LTBP1: variants seen among roughly 807,000 people sequenced by gnomAD.
LTBP1 encodes the protein latent-transforming growth factor beta-binding protein 1.
LTBP1 carries 129 observed loss-of-function variants against 207.6 expected under a neutral mutation model. That is an observed-to-expected ratio of 0.62 (90% CI 0.54 to 0.72). The LOEUF is 0.72. Among genes scored for constraint, LTBP1 ranks in the 30% least tolerant of loss-of-function variants. The pLI is 0.00. For missense variants in LTBP1, 2,281 were observed against 2,217.2 expected (o/e 1.03, Z -0.58); for synonymous variants, 963 against 833.7 (o/e 1.16, Z -2.67).
At chr2:33,153,182 T>A (rs920748743) in intron 5 of LTBP1, among the ~76,000 whole-genome samples, 3 of 152,250 alleles carry the variant, frequency 2.0e-5, no homozygotes, top group Non-Finnish European at 4.4e-5. Flanking sequence ...TTTTCCACTT[T>A]GAATCAAAGG....
chr2:32,981,950 C>T (rs551279478), intron 2 of LTBP1, among the ~76,000 whole-genome samples: 7 of 152,202 alleles, frequency 4.6e-5, no homozygotes, highest in Non-Finnish European at 1.0e-4. Context: ...TGAAAATGGA[C>T]TAATACAGTA....
At chr2:33,258,207 T>C (rs2092914585) in intron 12 of LTBP1, among the ~76,000 whole-genome samples, 1 of 152,250 alleles carries the variant, frequency 6.6e-6, no homozygotes, top group African/African-American at 2.4e-5. Context: ...TATCTCTTGA[T>C]ATAAACCCAG....
chr2:33,204,522 G>A (rs1198434838), intron 7 of LTBP1, among the ~76,000 whole-genome samples: 1 of 152,148 alleles, frequency 6.6e-6, no homozygotes, highest in African/African-American at 2.4e-5. Flanking sequence ...CTCTAACGGA[G>A]TTGTTAAAGA....
chr2:33,343,031 C>G (rs2094649618), intron 25 of LTBP1, 68 bp downstream of exon 25: 11 of 1,524,790 alleles, frequency 7.2e-6, no homozygotes, highest in Non-Finnish European at 9.8e-6. Flanking sequence ...CAGTGAACAA[C>G]AGGAGCTTTT....
At chr2:33,198,227 C>T (rs539017554) in intron 7 of LTBP1, among the ~76,000 whole-genome samples, 12 of 152,276 alleles carry the variant, frequency 7.9e-5, no homozygotes, top group African/African-American at 2.9e-4. Flanking sequence ...TTGAACCAGC[C>T]TTGCATCCCA....
At chr2:33,323,285 A>G (rs6737863) in intron 24 of LTBP1, among the ~76,000 whole-genome samples, 103,888 of 152,052 alleles carry the variant, frequency 0.68, 37,221 homozygotes, top group Non-Finnish European at 0.79. Context: ...CAGAATGGTT[A>G]TATGGGAACT....
intron 19 of LTBP1, among the ~76,000 whole-genome samples, chr2:33,289,356 T>C (rs2093729316): frequency 6.6e-6 from 1 of 152,204 alleles, no homozygotes; most frequent in South Asian, 2.1e-4. Context: ...AGAATCCATT[T>C]TTCTTTTCTT....
chr2:33,208,680 C>T (rs1023804566), intron 7 of LTBP1, among the ~76,000 whole-genome samples: 1 of 152,082 alleles, frequency 6.6e-6, no homozygotes, highest in African/African-American at 2.4e-5. Flanking sequence ...CTCAGCCCTG[C>T]CCTGGAGCTT....
intron 3 of LTBP1, among the ~76,000 whole-genome samples, chr2:33,045,365 T>C (rs955241702): frequency 2.0e-5 from 3 of 152,352 alleles, no homozygotes; most frequent in African/African-American, 7.2e-5. Flanking sequence ...ATTTATTAAA[T>C]AGGGAATCCT....
At chr2:32,960,416 AATG>A (rs1678906990) in intron 2 of LTBP1, among the ~76,000 whole-genome samples, 6 of 152,114 alleles carry the variant, frequency 3.9e-5, no homozygotes, top group Admixed American at 1.3e-4. Context: ...TGAATGAATG[AATG>A]AATGAATGAA....
chr2:33,073,299 TA>T (rs1488031329), intron 3 of LTBP1, among the ~76,000 whole-genome samples: 1 of 152,088 alleles, frequency 6.6e-6, no homozygotes, highest in Admixed American at 6.5e-5. Context: ...TTTGTTTTTT[TA>T]TTTTACCATG....
At chr2:33,069,941 G>A (rs2077703759) in intron 3 of LTBP1, among the ~76,000 whole-genome samples, 1 of 152,158 alleles carries the variant, frequency 6.6e-6, no homozygotes, top group Admixed American at 6.5e-5. Flanking sequence ...TGAAAAGTGA[G>A]CATAGCATGT....
At chr2:33,389,333 A>G in intron 32 of LTBP1, 27 bp downstream of exon 32, 1 of 1,613,056 alleles carries the variant, frequency 6.2e-7, no homozygotes, top group Non-Finnish European at 8.5e-7. Flanking sequence ...TGTTCCTTTG[A>G]TACTAAGTTG....
At chr2:33,253,131 T>TA (rs1170620956) in intron 11 of LTBP1, among the ~76,000 whole-genome samples, 2 of 152,320 alleles carry the variant, frequency 1.3e-5, no homozygotes, top group Non-Finnish European at 2.9e-5. Flanking sequence ...GTCTGATATT[T>TA]AAGTGTAGAG....
At chr2:33,351,808 A>T (rs1489266264) in intron 26 of LTBP1, among the ~76,000 whole-genome samples, 1 of 152,310 alleles carries the variant, frequency 6.6e-6, no homozygotes, top group South Asian at 2.1e-4. Context: ...ATCTTGGACT[A>T]GTCTTTTCCT....
intron 31 of LTBP1, among the ~76,000 whole-genome samples, chr2:33,368,075 C>G (rs1019279579): frequency 6.6e-6 from 1 of 152,006 alleles, no homozygotes; most frequent in Non-Finnish European, 1.5e-5. Flanking sequence ...GGCCTGGTGG[C>G]GCATGCCTGT....
At chr2:32,975,595 T>TG (rs1558461819) in intron 2 of LTBP1, among the ~76,000 whole-genome samples, 94 of 109,732 alleles carry the variant, frequency 8.6e-4, no homozygotes, top group African/African-American at 3.2e-3. Flanking sequence ...TTTTTTTTTT[T>TG]TTTTTTTTTT....
intron 2 of LTBP1, among the ~76,000 whole-genome samples, chr2:32,986,380 T>C (rs1445037402): frequency 1.3e-5 from 2 of 152,082 alleles, no homozygotes; most frequent in South Asian, 2.1e-4. Context: ...ATCCTTTGGT[T>C]GTAAGTGGAT....
At chr2:33,216,685 C>T (rs1362878266) in intron 7 of LTBP1, among the ~76,000 whole-genome samples, 1 of 152,182 alleles carries the variant, frequency 6.6e-6, no homozygotes, top group Non-Finnish European at 1.5e-5. Flanking sequence ...GGTGTGTTAG[C>T]CTGCATAGCA....
Sources: allele counts gnomAD v4.1 joint callset (sites outside exome capture counted in the v4.1 genomes callset), GRCh38; gene constraint gnomAD v4.1.1; transcripts MANE v1.5; gene names NCBI Gene and HGNC (gene_info 2026-07-23, HGNC 2026-07-21).